Variants in CSMD1 observed in about 807,000 individuals in gnomAD.
The protein encoded by CSMD1 is CUB and sushi domain-containing protein 1.
Under a neutral mutation model 417.5 loss-of-function variants are expected in CSMD1, and 213 were observed. The observed-to-expected ratio is 0.51, with a 90% CI of 0.46 to 0.57. CSMD1 has a LOEUF of 0.57. CSMD1 is among the 20% of genes least tolerant of loss of function. The pLI, the probability that CSMD1 is intolerant of heterozygous loss-of-function variation, is 0.00. For missense variants in CSMD1, 6,923 were observed against 4,529.7 expected (o/e 1.53, Z -15.17); for synonymous variants, 2,862 against 1,736.8 (o/e 1.65, Z -16.11).
intron 4 of CSMD1, among the ~76,000 whole-genome samples, chr8:4,012,525 C>T (rs1023736556): frequency 6.6e-6 from 1 of 152,022 alleles, no homozygotes; most frequent in African/African-American, 2.4e-5. Flanking sequence ...ATCCCTACAC[C>T]CAGGTAGTGA....
chr8:4,245,811 T>G (rs924955451), intron 3 of CSMD1, among the ~76,000 whole-genome samples: 3 of 152,176 alleles, frequency 2.0e-5, no homozygotes, highest in Non-Finnish European at 4.4e-5. Flanking sequence ...GGCAAAAAAT[T>G]ATTGACAAGT....
chr8:4,983,366 G>A (rs1166785365), intron 1 of CSMD1, among the ~76,000 whole-genome samples: 1 of 152,180 alleles, frequency 6.6e-6, no homozygotes, highest in East Asian at 1.9e-4. Context: ...TACATAGACT[G>A]AGAACATTTA....
intron 3 of CSMD1, among the ~76,000 whole-genome samples, chr8:4,289,832 G>A (rs949913919): frequency 6.6e-6 from 1 of 152,188 alleles, no homozygotes; most frequent in Non-Finnish European, 1.5e-5. Context: ...CTAATCTAAT[G>A]TCTGGCTCAG....
chr8:3,651,827 C>G (rs1374371083), intron 7 of CSMD1, among the ~76,000 whole-genome samples: 1 of 151,008 alleles, frequency 6.6e-6, no homozygotes, highest in Non-Finnish European at 1.5e-5. Flanking sequence ...GAGCACCCAC[C>G]ACCATCAGAG....
At chr8:4,898,516 C>A (rs938433126) in intron 1 of CSMD1, among the ~76,000 whole-genome samples, 1 of 152,128 alleles carries the variant, frequency 6.6e-6, no homozygotes, top group Non-Finnish European at 1.5e-5. Flanking sequence ...TACAGAAGGA[C>A]AATAAAACAG....
rs371696159 is a variant in CSMD1 at position 4,296,696 on chromosome 8, GTT to G, written c.415+123255_415+123256del. Among the ~76,000 whole-genome samples the G allele has an allele frequency of 4.0e-4, 46 of 114,852 alleles. 1 individual carries two copies. Among genetic ancestry groups the G allele is most frequent in the South Asian group, 2.2e-3 (7 of 3,230 alleles). The allele number at this position is 114,852 out of a possible 152,430, so 75.3% of individuals were successfully genotyped here. A position where few individuals can be genotyped will look rare whatever the true frequency, so the allele number is the denominator to read the frequency against. On this transcript the variant is annotated intron_variant, in intron 3 of 69. Coordinates refer to ENST00000635120, the MANE Select transcript of CSMD1 (RefSeq NM_033225.6). ...GGTCCCTGAAAACACGAAAATAAGGGTTTTTTTTTTTTTTTTTTTCTCCAGGG... is the reference window on the plus strand; with the variant it reads ...GGTCCCTGAAAACACGAAAATAAGGGTTTTTTTTTTTTTTTTTCTCCAGGG...
chr8:4,302,323 T>C (rs1798021590), intron 3 of CSMD1, among the ~76,000 whole-genome samples: 1 of 152,122 alleles, frequency 6.6e-6, no homozygotes, highest in Non-Finnish European at 1.5e-5. Context: ...CTAATAACTG[T>C]AAAAATAATA....
At chr8:4,605,600 A>T (rs940536811) in intron 2 of CSMD1, among the ~76,000 whole-genome samples, 1 of 152,228 alleles carries the variant, frequency 6.6e-6, no homozygotes, top group Non-Finnish European at 1.5e-5. Context: ...ATGAATAGTC[A>T]ATAAAATCTA....
intron 3 of CSMD1, among the ~76,000 whole-genome samples, chr8:4,320,595 G>A (rs1175985510): frequency 1.3e-5 from 2 of 152,096 alleles, no homozygotes; most frequent in East Asian, 1.9e-4. Flanking sequence ...ACTTATGAGT[G>A]AGAACATGCG....
intron 5 of CSMD1, among the ~76,000 whole-genome samples, chr8:3,950,360 T>C (rs1484275765): frequency 1.3e-5 from 2 of 152,218 alleles, no homozygotes; most frequent in African/African-American, 4.8e-5. Context: ...GCATAAAGTT[T>C]AAGAACAGGG....
Position 2,973,090 on chromosome 8 carries a change from T to C in CSMD1, c.8923+27A>G, listed in dbSNP as rs1164112030. On this transcript the variant is annotated intron_variant, in intron 57 of 69. Coordinates refer to ENST00000635120, the MANE Select transcript of CSMD1 (RefSeq NM_033225.6). Reference sequence around the variant, plus strand: ...AGCTGTGTGGTTTTAACTTTCAAGGTGGACCTTAAGGCTTCTGGCTACTCA... The same window carrying C: ...AGCTGTGTGGTTTTAACTTTCAAGGCGGACCTTAAGGCTTCTGGCTACTCA... 7 of 1,601,912 alleles carry C rather than the reference T, an allele frequency of 4.4e-6. No individual in the cohort carries two copies. The African/African-American group carries it at 8.1e-5, about 18-fold the overall frequency.
chr8:3,174,930 AG>A (rs1232774799), intron 37 of CSMD1, among the ~76,000 whole-genome samples: 2 of 152,150 alleles, frequency 1.3e-5, no homozygotes, highest in Admixed American at 1.3e-4. Context: ...TTTTTGAGTG[AG>A]ATCTTATTTG....
chr8:3,953,133 C>G (rs545374485), intron 5 of CSMD1, among the ~76,000 whole-genome samples: 6 of 151,416 alleles, frequency 4.0e-5, no homozygotes, highest in Non-Finnish European at 8.8e-5. Flanking sequence ...ATCATAAACC[C>G]TAAAAAATAC....
At chr8:4,016,443 T>C (rs1010226700) in intron 4 of CSMD1, among the ~76,000 whole-genome samples, 23 of 152,146 alleles carry the variant, frequency 1.5e-4, no homozygotes, top group African/African-American at 5.3e-4. Context: ...GCCTGTCTCT[T>C]AGACGTCTCC....
At chr8:4,879,608 G>C (rs895469479) in intron 1 of CSMD1, among the ~76,000 whole-genome samples, 2 of 152,008 alleles carry the variant, frequency 1.3e-5, no homozygotes, top group Admixed American at 1.3e-4. Context: ...GGAGACTGTA[G>C]TTACAGAATC....
At chr8:3,982,814 G>C (rs1292595707) in intron 5 of CSMD1, among the ~76,000 whole-genome samples, 1 of 152,138 alleles carries the variant, frequency 6.6e-6, no homozygotes, top group Non-Finnish European at 1.5e-5. Context: ...GGATTCTGAG[G>C]GGAGCACGAT....
At chr8:4,298,778 T>C (rs1797821552) in intron 3 of CSMD1, among the ~76,000 whole-genome samples, 1 of 152,074 alleles carries the variant, frequency 6.6e-6, no homozygotes, top group Admixed American at 6.6e-5. Context: ...TTTGAATAAA[T>C]TTATTTTGAA....
At chr8:3,982,546 G>C (rs182667840) in intron 5 of CSMD1, among the ~76,000 whole-genome samples, 1 of 151,904 alleles carries the variant, frequency 6.6e-6, no homozygotes, top group Non-Finnish European at 1.5e-5. Context: ...TGTGCACTAG[G>C]ATTATGTGCA....
In CSMD1 at chr8:3,517,629, T is replaced by G. The variant is rs549963909; in HGVS notation, c.1345-23903A>C. ...AATAATATTTACTATACGATTTTTT[T>G]GGGGAAAAAGGCTTTCTGAAAGAAT... is the stretch of plus-strand genomic sequence containing the variant. On this transcript the variant is annotated intron_variant, in intron 10 of 69. Coordinates refer to ENST00000635120, the MANE Select transcript of CSMD1 (RefSeq NM_033225.6). 1.3e-3 allele frequency among the ~76,000 whole-genome samples: 195 copies of G among 152,334 alleles called. 1 individual carries two copies. The highest frequency in any genetic ancestry group is 4.1e-3 in the African/African-American group (170 of 41,572).
Sources: allele counts gnomAD v4.1 joint callset (sites outside exome capture counted in the v4.1 genomes callset), GRCh38; gene constraint gnomAD v4.1.1; transcripts MANE v1.5; gene names NCBI Gene and HGNC (gene_info 2026-07-23, HGNC 2026-07-21).